Variants in FSTL5 observed in about 807,000 individuals in gnomAD.
The protein encoded by FSTL5 is follistatin-related protein 5.
FSTL5 carries 62 observed loss-of-function variants against 89.1 expected under a neutral mutation model. The observed-to-expected ratio is 0.70, with a 90% CI of 0.57 to 0.86. The LOEUF is 0.86. Ranked by LOEUF, FSTL5 falls within the 40% of genes least tolerant of loss-of-function variation. FSTL5 has a pLI of 0.00. For synonymous variants in FSTL5, 383 were observed against 346.2 expected, an observed-to-expected ratio of 1.11 and a Z score of -1.18; for missense variants, 1,057 against 1,001.6, an observed-to-expected ratio of 1.06 and a Z score of -0.75.
At chr4:161,797,319 A>G (rs1421106878) in intron 4 of FSTL5, among the ~76,000 whole-genome samples, 1 of 151,586 alleles carries the variant, frequency 6.6e-6, no homozygotes, top group East Asian at 1.9e-4. Flanking sequence ...AATATTGAAG[A>G]TTCATATTAA....
intron 15 of FSTL5, among the ~76,000 whole-genome samples, chr4:161,410,402 C>T (rs1731545400): frequency 2.0e-5 from 3 of 152,200 alleles, no homozygotes; most frequent in Non-Finnish European, 2.9e-5. Flanking sequence ...GAACACTCCA[C>T]CCAACAATCA....
intron 6 of FSTL5, among the ~76,000 whole-genome samples, chr4:161,728,523 A>C (rs1213201006): frequency 6.6e-6 from 1 of 152,124 alleles, no homozygotes; most frequent in Non-Finnish European, 1.5e-5. Flanking sequence ...ATTTATTTTG[A>C]GCTAAAATGT....
chr4:161,942,537 C>T (rs1253083736), intron 3 of FSTL5, among the ~76,000 whole-genome samples: 2 of 151,914 alleles, frequency 1.3e-5, no homozygotes, highest in Non-Finnish European at 2.9e-5. Context: ...TCAAATATAG[C>T]CCAGGAGCTC....
At chr4:162,006,504 A>G (rs1350434072) in intron 3 of FSTL5, among the ~76,000 whole-genome samples, 3 of 151,980 alleles carry the variant, frequency 2.0e-5, no homozygotes, top group African/African-American at 7.2e-5. Context: ...AAGAAATTTT[A>G]TATGTTGTTG....
intron 3 of FSTL5, among the ~76,000 whole-genome samples, chr4:161,944,474 C>T (rs1180022812): frequency 6.6e-6 from 1 of 151,714 alleles, no homozygotes; most frequent in Non-Finnish European, 1.5e-5. Context: ...AATTGAGTAA[C>T]TGTTGGTTAA....
chr4:161,413,733 T>C (rs898068411), intron 15 of FSTL5, among the ~76,000 whole-genome samples: 1 of 152,178 alleles, frequency 6.6e-6, no homozygotes, highest in Admixed American at 6.5e-5. Flanking sequence ...CATGGAATAC[T>C]ACATAGACAT....
chr4:161,473,030 AC>A (rs1436354293), intron 13 of FSTL5, among the ~76,000 whole-genome samples: 1 of 152,070 alleles, frequency 6.6e-6, no homozygotes, highest in Admixed American at 6.6e-5. Flanking sequence ...GCTGTGTCTA[AC>A]TTTTAAAATC....
At chr4:161,451,501 C>T (rs1190607950) in intron 15 of FSTL5, among the ~76,000 whole-genome samples, 1 of 152,066 alleles carries the variant, frequency 6.6e-6, no homozygotes, top group Non-Finnish European at 1.5e-5. Context: ...AGCCAGTTTC[C>T]CAGTAGAGAT....
At chr4:161,662,012 AT>A (rs202161930) in intron 6 of FSTL5, among the ~76,000 whole-genome samples, 114 of 152,046 alleles carry the variant, frequency 7.5e-4, no homozygotes, top group African/African-American at 2.7e-3. Flanking sequence ...TCTGTTGAGG[AT>A]TTTTTTTCAT....
chr4:161,587,296 G>GTT lies in FSTL5; in HGVS notation c.1015+157_1015+158dup, dbSNP rs373497576. 1.4e-4 allele frequency among the ~76,000 whole-genome samples: 20 copies of GTT among 142,306 alleles called. No homozygotes were observed. The East Asian group carries it at 3.6e-3, about 26-fold the overall frequency. 93.4% of individuals were successfully genotyped at this position (142,306 alleles called of 152,430 possible). ...GTGCTTATTTACTTGGAAATTTTGT[G>GTT]TTTTTTTTTTTTACTTAAAAAACTT... On this transcript the variant is annotated intron_variant, in intron 8 of 15. Transcript: ENST00000306100.
chr4:161,416,000 A>G (rs894477602), intron 15 of FSTL5, among the ~76,000 whole-genome samples: 19 of 152,080 alleles, frequency 1.2e-4, no homozygotes, highest in African/African-American at 4.3e-4. Flanking sequence ...CAGCATAGTC[A>G]ATACATAAGA....
rs571231189 is a variant in FSTL5 at position 162,007,492 on chromosome 4, T to A, written c.160+26133A>T. Reference sequence around the variant, plus strand: ...TATATATAAACAGCAACTCTTTACATACTTGAATTTCAGAGAAAATATTAG... The same window carrying A: ...TATATATAAACAGCAACTCTTTACAAACTTGAATTTCAGAGAAAATATTAG... On this transcript the variant is annotated intron_variant, in intron 3 of 15. Transcript: ENST00000306100. Among the ~76,000 whole-genome samples, 27 of 152,026 alleles carry A rather than the reference T, an allele frequency of 1.8e-4. No homozygotes were observed. In the South Asian group the frequency reaches 5.0e-3, roughly 28 times the overall value.
chr4:161,940,182 A>G (rs1734539362), intron 3 of FSTL5, among the ~76,000 whole-genome samples: 1 of 151,872 alleles, frequency 6.6e-6, no homozygotes, highest in Non-Finnish European at 1.5e-5. Flanking sequence ...AGCAGATTTT[A>G]GCAAGCAGAA....
intron 3 of FSTL5, among the ~76,000 whole-genome samples, chr4:161,989,847 G>A (rs77409411): frequency 0.055 from 8,365 of 152,184 alleles, 264 homozygotes; most frequent in Non-Finnish European, 0.077. Context: ...ACAGAACCAT[G>A]TACAAAAATA....
chr4:161,811,674 A>T (rs1488463227), intron 4 of FSTL5, among the ~76,000 whole-genome samples: 2 of 152,220 alleles, frequency 1.3e-5, no homozygotes, highest in Non-Finnish European at 2.9e-5. Context: ...TATGTAATTA[A>T]TCTTGGCTAA....
intron 11 of FSTL5, among the ~76,000 whole-genome samples, chr4:161,504,590 T>G (rs962622806): frequency 2.0e-5 from 3 of 151,798 alleles, no homozygotes; most frequent in Non-Finnish European, 4.4e-5. Context: ...TTATCCATAA[T>G]TTGTTTGTTC....
intron 6 of FSTL5, among the ~76,000 whole-genome samples, chr4:161,727,252 C>A (rs1234568882): frequency 1.3e-5 from 2 of 152,056 alleles, no homozygotes; most frequent in African/African-American, 2.4e-5. Flanking sequence ...AGACTAAGTT[C>A]TTTGTGATAA....
At chr4:161,852,127 T>A (rs543764656) in intron 4 of FSTL5, among the ~76,000 whole-genome samples, 1 of 152,068 alleles carries the variant, frequency 6.6e-6, no homozygotes, top group South Asian at 2.1e-4. Context: ...ACACTGACCC[T>A]CACCCTTTCA....
At chr4:161,772,357 T>C (rs761607502) in intron 5 of FSTL5, among the ~76,000 whole-genome samples, 1 of 152,018 alleles carries the variant, frequency 6.6e-6, no homozygotes, top group Non-Finnish European at 1.5e-5. Flanking sequence ...TTAAATTATT[T>C]TAAAATTCAA....
Sources: allele counts gnomAD v4.1 joint callset (sites outside exome capture counted in the v4.1 genomes callset), GRCh38; gene constraint gnomAD v4.1.1; transcripts MANE v1.5; gene names NCBI Gene and HGNC (gene_info 2026-07-23, HGNC 2026-07-21).